Variants in PARD3B observed in about 807,000 individuals in gnomAD.
PARD3B encodes partitioning defective 3 homolog B.
In PARD3B, 103 loss-of-function variants were observed where a neutral mutation model predicts 130.2. The observed-to-expected ratio is 0.79, with a 90% CI of 0.67 to 0.93. The LOEUF is 0.93. Ranked by LOEUF, PARD3B falls within the 40% of genes least tolerant of loss-of-function variation. PARD3B has a pLI of 0.00. For missense variants in PARD3B, 1,609 were observed against 1,499.2 expected (o/e 1.07, Z -1.21); for synonymous variants, 583 against 553.2 (o/e 1.05, Z -0.76).
At chr2:205,615,395 G>A in intron 22 of PARD3B, 61 bp from the exon 23 acceptor site, 11 of 1,428,374 alleles carry the variant, frequency 7.7e-6, no homozygotes, top group Non-Finnish European at 1.0e-5. Flanking sequence ...TGAGGAACAT[G>A]TTCTCCAGCC....
intron 2 of PARD3B, among the ~76,000 whole-genome samples, chr2:204,951,541 A>G (rs940428583): frequency 6.6e-6 from 1 of 152,194 alleles, no homozygotes; most frequent in African/African-American, 2.4e-5. Flanking sequence ...CATATTTTTA[A>G]GTTCACTTTG....
chr2:205,563,304 C>T lies in PARD3B; in HGVS notation c.3260+9901C>T, dbSNP rs529214271. Among the ~76,000 whole-genome samples, 6 of 152,270 alleles carry T rather than the reference C, an allele frequency of 3.9e-5. No individual in the cohort carries two copies. Among genetic ancestry groups the T allele is most frequent in the East Asian group, 3.9e-4 (2 of 5,184 alleles). ...CTATTGCGTGCCTTCTATGTCTGTA[C>T]GTTTTGCATGCCTTGTCTCATTTTA... On this transcript the variant is annotated intron_variant, in intron 22 of 22. Coordinates refer to ENST00000406610, the MANE Select transcript of PARD3B (RefSeq NM_001302769.2). This position sits in a 1 kb window ranked among gnomAD's most constrained non-coding sequence, Gnocchi z 4.2.
intron 2 of PARD3B, among the ~76,000 whole-genome samples, chr2:204,727,008 C>T (rs79630965): frequency 0.11 from 16,028 of 152,222 alleles, 892 homozygotes; most frequent in African/African-American, 0.12. Context: ...CTTCCCCGCC[C>T]TGCACGTTCT....
intron 10 of PARD3B, among the ~76,000 whole-genome samples, chr2:205,155,963 G>A (rs1297790422): frequency 1.3e-5 from 2 of 151,986 alleles, no homozygotes; most frequent in East Asian, 1.9e-4. Flanking sequence ...ACATGCACAC[G>A]TATGTTTATT....
At chr2:205,423,450 TACTC>T (rs1224209894) in intron 19 of PARD3B, among the ~76,000 whole-genome samples, 3 of 152,196 alleles carry the variant, frequency 2.0e-5, no homozygotes, top group East Asian at 1.9e-4. Flanking sequence ...ACTTAGTAAA[TACTC>T]AATAAATGTT....
At chr2:204,918,210 A>T (rs1449345871) in intron 2 of PARD3B, among the ~76,000 whole-genome samples, 1 of 152,238 alleles carries the variant, frequency 6.6e-6, no homozygotes, top group African/African-American at 2.4e-5. Flanking sequence ...TTAATGTAAG[A>T]TGAAAGCTGT....
chr2:205,224,994 AT>A (rs1559559826), intron 15 of PARD3B, among the ~76,000 whole-genome samples: 1 of 152,022 alleles, frequency 6.6e-6, no homozygotes, highest in Admixed American at 6.6e-5. Context: ...CATTTTCTTT[AT>A]TCATTCCTCT....
intron 5 of PARD3B, among the ~76,000 whole-genome samples, chr2:205,109,841 A>T (rs1329339774): frequency 6.6e-6 from 1 of 152,018 alleles, no homozygotes; most frequent in East Asian, 1.9e-4. Flanking sequence ...TTTAGTAGAG[A>T]TGGTGTTTCT....
intron 2 of PARD3B, among the ~76,000 whole-genome samples, chr2:204,883,455 A>ATATAAAATATATATATATATATATTTTT (rs1377428928): frequency 3.9e-5 from 3 of 77,272 alleles, no homozygotes; most frequent in African/African-American, 5.5e-5. Flanking sequence ...ATATATATAT[A>ATATAAAATATATATATATATATATTTTT]TTTTTTTTTT....
chr2:205,342,633 C>T (rs1005899141), intron 18 of PARD3B, among the ~76,000 whole-genome samples: 2 of 152,138 alleles, frequency 1.3e-5, no homozygotes, highest in Non-Finnish European at 2.9e-5. Flanking sequence ...AGAATTTACT[C>T]TGATTTCATT....
intron 1 of PARD3B, among the ~76,000 whole-genome samples, chr2:204,649,319 T>C (rs2035399102): frequency 6.6e-6 from 1 of 151,712 alleles, no homozygotes; most frequent in Non-Finnish European, 1.5e-5. Context: ...TTTTTATGTA[T>C]TTTGAGTACT....
chr2:205,177,383 ATACAAAAAATGAAATAATG>A (rs1206441285), intron 13 of PARD3B, among the ~76,000 whole-genome samples: 5 of 152,202 alleles, frequency 3.3e-5, no homozygotes, highest in Non-Finnish European at 5.9e-5. Flanking sequence ...AAAATATTTT[ATACAAAAAATGAAATAATG>A]AAATGTATGT....
chr2:205,433,680 C>T (rs2047414873), intron 19 of PARD3B, among the ~76,000 whole-genome samples: 1 of 152,022 alleles, frequency 6.6e-6, no homozygotes, highest in African/African-American at 2.4e-5. Flanking sequence ...ATGGATGTTC[C>T]CTCATACTTT....
chr2:204,771,182 T>TG (rs2041359759), intron 2 of PARD3B, among the ~76,000 whole-genome samples: 1 of 151,996 alleles, frequency 6.6e-6, no homozygotes, highest in African/African-American at 2.4e-5. Flanking sequence ...ATTTATAGAT[T>TG]TTTTTTTCTT....
chr2:204,636,701 C>A (rs1483084186), intron 1 of PARD3B, among the ~76,000 whole-genome samples: 1 of 152,098 alleles, frequency 6.6e-6, no homozygotes, highest in Non-Finnish European at 1.5e-5. Flanking sequence ...TTTGGTTTCA[C>A]AGCCTTAGAT....
chr2:204,676,205 A>T (rs956659950), intron 1 of PARD3B, among the ~76,000 whole-genome samples: 11 of 152,112 alleles, frequency 7.2e-5, no homozygotes, highest in African/African-American at 2.4e-4. Flanking sequence ...GTTCAAATCA[A>T]TATAAAATTC....
At chr2:205,603,672 C>G (rs967020376) in intron 22 of PARD3B, among the ~76,000 whole-genome samples, 1 of 152,030 alleles carries the variant, frequency 6.6e-6, no homozygotes, top group African/African-American at 2.4e-5. Flanking sequence ...GAATTGCAAC[C>G]CCTGCTTTTT....
At chr2:205,055,261 C>T (rs1232491638) in intron 4 of PARD3B, among the ~76,000 whole-genome samples, 2 of 152,132 alleles carry the variant, frequency 1.3e-5, no homozygotes, top group Non-Finnish European at 2.9e-5. Context: ...TTTCTTATAT[C>T]CATTACATCT....
At position 205,300,143 on chromosome 2, in the gene PARD3B, T is replaced by A. The variant is rs1196740247; in HGVS notation, c.2186-387T>A. Among the ~76,000 whole-genome samples the A allele has an allele frequency of 6.6e-6, 1 of 152,216 alleles. No individual in the cohort carries two copies. The highest frequency in any genetic ancestry group is 1.5e-5 in the Non-Finnish European group (1 of 68,042). ...ATGTTTGTGTGTGTGTCTGTGAGTA[T>A]GCATGTGTGTATGTGGGTATTCTCA... On this transcript the variant is annotated intron_variant, in intron 16 of 22. Transcript: ENST00000406610. The surrounding 1 kb of genome is among the most constrained non-coding windows in gnomAD (Gnocchi z 4.1).
Sources: allele counts gnomAD v4.1 joint callset (sites outside exome capture counted in the v4.1 genomes callset), GRCh38; gene constraint gnomAD v4.1.1; non-coding constraint Gnocchi (gnomAD v3.1); transcripts MANE v1.5; gene names NCBI Gene and HGNC (gene_info 2026-07-23, HGNC 2026-07-21).